The following DIAPH3 variants were observed in gnomAD, a reference collection of about 807,000 sequenced individuals.
The protein encoded by DIAPH3 is protein diaphanous homolog 3.
DIAPH3 carries 117 observed loss-of-function variants against 144.3 expected under a neutral mutation model. The ratio of observed to expected loss-of-function variants is 0.81; its 90% CI spans 0.70 to 0.95. The LOEUF (loss-of-function observed/expected upper bound fraction) is 0.95, where lower values mean the gene tolerates loss of function less well. Among genes scored for constraint, DIAPH3 ranks in the 40% least tolerant of loss-of-function variants. The pLI is 0.00. For synonymous variants in DIAPH3, 519 were observed against 488.9 expected (o/e 1.06, Z -0.81); for missense variants, 1,421 against 1,412.7 (o/e 1.01, Z -0.09).
chr13:59,896,611 C>T (rs548773164), intron 20 of DIAPH3, among the ~76,000 whole-genome samples: 5 of 151,900 alleles, frequency 3.3e-5, no homozygotes, highest in East Asian at 3.9e-4. Context: ...GCAGGGGGGT[C>T]GGTCCTTGAA....
intron 22 of DIAPH3, among the ~76,000 whole-genome samples, chr13:59,850,305 C>G (rs1227979478): frequency 6.7e-6 from 1 of 149,710 alleles, no homozygotes; most frequent in Admixed American, 6.6e-5. Context: ...ATTGAATACC[C>G]TTTATTTCCT....
chr13:59,826,370 A>G (rs2041422020), intron 24 of DIAPH3, among the ~76,000 whole-genome samples: 1 of 143,362 alleles, frequency 7.0e-6, no homozygotes, highest in East Asian at 2.1e-4. Flanking sequence ...AATCACAAGC[A>G]TTCTTATACA....
At chr13:60,125,471 G>A (rs1241435932) in intron 2 of DIAPH3, among the ~76,000 whole-genome samples, 1 of 144,680 alleles carries the variant, frequency 6.9e-6, no homozygotes, top group East Asian at 2.1e-4. Context: ...GAAGTTCTGG[G>A]CTCATGCAGT....
intron 1 of DIAPH3, among the ~76,000 whole-genome samples, chr13:60,162,783 A>T (rs959632431): frequency 7.5e-6 from 1 of 132,966 alleles, no homozygotes; most frequent in Non-Finnish European, 1.6e-5. Context: ...CAAATGCTGT[A>T]CTCTCTCTCT....
intron 27 of DIAPH3, among the ~76,000 whole-genome samples, chr13:59,681,581 TAATAA>T (rs2032950424): frequency 1.3e-5 from 2 of 151,944 alleles, no homozygotes; most frequent in African/African-American, 2.4e-5. Context: ...ACCAACTTAT[TAATAA>T]AATAACTGTT....
intron 7 of DIAPH3, chr13:60,013,150 A>C (rs2053392150): frequency 1.0e-6 from 1 of 985,254 alleles, no homozygotes; most frequent in African/African-American, 1.7e-5. Context: ...AATGTCAAGG[A>C]CCCACTCCGG....
chr13:60,114,658 CACACACACACACACAA>C (rs1257362524), intron 2 of DIAPH3, among the ~76,000 whole-genome samples: 2 of 151,548 alleles, frequency 1.3e-5, no homozygotes, highest in African/African-American at 2.4e-5. Context: ...CACACACACA[CACACACACACACACAA>C]ACACACACAC....
At chr13:60,131,634 G>C (rs1212805218) in intron 2 of DIAPH3, among the ~76,000 whole-genome samples, 2 of 151,964 alleles carry the variant, frequency 1.3e-5, no homozygotes, top group Non-Finnish European at 2.9e-5. Flanking sequence ...AGAACTGAGG[G>C]AGTTGAGGGA....
chr13:59,967,659 T>A (rs904916637), intron 17 of DIAPH3, among the ~76,000 whole-genome samples: 2 of 152,230 alleles, frequency 1.3e-5, no homozygotes, highest in South Asian at 4.1e-4. Flanking sequence ...GTGTTTTACA[T>A]GTAAATACAC....
chr13:60,150,239 G>T (rs1222457278), intron 1 of DIAPH3, among the ~76,000 whole-genome samples: 1 of 152,092 alleles, frequency 6.6e-6, no homozygotes, highest in Non-Finnish European at 1.5e-5. Context: ...TGCCCAGGCT[G>T]GTCGTGAATT....
intron 25 of DIAPH3, among the ~76,000 whole-genome samples, chr13:59,804,687 C>T (rs2040103695): frequency 6.6e-6 from 1 of 152,030 alleles, no homozygotes; most frequent in Non-Finnish European, 1.5e-5. Flanking sequence ...TTGTTCTACC[C>T]TTCTATATCG....
intron 24 of DIAPH3, among the ~76,000 whole-genome samples, chr13:59,813,744 C>T (rs755997342): frequency 5.3e-5 from 8 of 151,518 alleles, no homozygotes; most frequent in Non-Finnish European, 8.8e-5. Flanking sequence ...GTCCTAGCTA[C>T]TCAGAGGCTG....
At chr13:59,893,946 T>C (rs1037598177) in intron 20 of DIAPH3, among the ~76,000 whole-genome samples, 3 of 152,176 alleles carry the variant, frequency 2.0e-5, no homozygotes, top group Non-Finnish European at 2.9e-5. Context: ...TTAGTATTGA[T>C]TGTATGCAAT....
intron 4 of DIAPH3, among the ~76,000 whole-genome samples, chr13:60,046,012 G>A (rs1466298415): frequency 6.6e-6 from 1 of 152,074 alleles, no homozygotes; most frequent in Non-Finnish European, 1.5e-5. Context: ...GATATTTTTA[G>A]ATTTCTAAAT....
At chr13:59,898,134 C>CAAAAAAAAAAAAAAAAAAAAAAAAAAAA (rs34238599) in intron 20 of DIAPH3, among the ~76,000 whole-genome samples, 23 of 72,194 alleles carry the variant, frequency 3.2e-4, no homozygotes, top group East Asian at 8.6e-4. Flanking sequence ...GACTCTGCCT[C>CAAAAAAAAAAAAAAAAAAAAAAAAAAAA]AAAAAAAAAA....
chr13:59,992,653 C>T (rs2051908419), intron 9 of DIAPH3, 70 bp from the exon 10 acceptor site: 48 of 1,228,238 alleles, frequency 3.9e-5, no homozygotes, highest in Non-Finnish European at 5.2e-5. Context: ...ACGTAAACTT[C>T]AAGGTTTTGT....
intron 3 of DIAPH3, among the ~76,000 whole-genome samples, chr13:60,107,684 A>C (rs138665055): frequency 6.6e-6 from 1 of 152,202 alleles, no homozygotes; most frequent in Non-Finnish European, 1.5e-5. Context: ...TTTCTCCTAC[A>C]TTACAAAAAA....
At chr13:59,964,295 C>T (rs1302668594) in intron 17 of DIAPH3, among the ~76,000 whole-genome samples, 1 of 151,972 alleles carries the variant, frequency 6.6e-6, no homozygotes, top group Non-Finnish European at 1.5e-5. Context: ...AATCCATTAC[C>T]CTAGTATCTT....
At chr13:59,747,559 C>T (rs2036767112) in intron 27 of DIAPH3, among the ~76,000 whole-genome samples, 1 of 152,154 alleles carries the variant, frequency 6.6e-6, no homozygotes, top group South Asian at 2.1e-4. Flanking sequence ...CATTCTCCCA[C>T]TGGAGTGTAT....
Sources: gnomAD v4.1 joint callset for allele counts (sites outside exome capture counted in the v4.1 genomes callset) on GRCh38, gnomAD v4.1.1 for gene constraint, MANE v1.5 for transcripts, NCBI Gene and HGNC (gene_info 2026-07-23, HGNC 2026-07-21) for gene names.